The following POLK variants were observed in gnomAD, a reference collection of about 807,000 sequenced individuals.
POLK encodes the protein polymerase (DNA directed) kappa.
In POLK, 76 loss-of-function variants were observed where a neutral mutation model predicts 94.0. That is an observed-to-expected ratio of 0.81 (90% CI 0.67 to 0.98). POLK has a LOEUF of 0.98. Among genes scored for constraint, POLK ranks in the 50% least tolerant of loss-of-function variants. POLK has a pLI of 0.00. For synonymous variants in POLK, 349 were observed against 325.4 expected, an observed-to-expected ratio of 1.07 and a Z score of -0.78; for missense variants, 954 against 1,010.1, an observed-to-expected ratio of 0.94 and a Z score of 0.75.
In POLK at chr5:75,587,021, T is replaced by C. The variant is rs748366254; in HGVS notation, c.1227-5T>C. On this transcript the variant is annotated splice_polypyrimidine_tract_variant and splice_region_variant and intron_variant, in intron 9 of 14. Coordinates refer to ENST00000241436, the Ensembl canonical transcript of POLK. ...AAAATAAAGACCTTTTTTTTTCATT[T>C]CAAGGGATGGAGAGAGGAAAAGTAT... The C allele has an allele frequency of 1.9e-6, 3 of 1,547,638 alleles. No homozygotes were observed. Among genetic ancestry groups the C allele is most frequent in the East Asian group, 2.3e-5 (1 of 43,056 alleles).
At position 75,559,505 on chromosome 5, in the gene POLK, G is replaced by GTTTTTT. The variant is rs1561371144; in HGVS notation, c.255+6916_255+6921dup. On this transcript the variant is annotated intron_variant, in intron 3 of 14. Transcript: ENST00000241436. ...TTGGCAATTTATTGATTTGGGGTTTGTTTTTTTGTTTTGTTTTGTTTTTTT... is the reference window on the plus strand; with the variant it reads ...TTGGCAATTTATTGATTTGGGGTTTGTTTTTTTTTTTTTGTTTTGTTTTGTTTTTTT... 1.5e-3 allele frequency among the ~76,000 whole-genome samples: 106 copies of GTTTTTT among 70,090 alleles called. 4 individuals are homozygous for GTTTTTT. Among genetic ancestry groups the GTTTTTT allele is most frequent in the South Asian group, 4.1e-3 (7 of 1,720 alleles). 46.0% of individuals were successfully genotyped at this position (70,090 alleles called of 152,430 possible).
chr5:75,537,802 G>GA (rs1769523889), intron 1 of POLK, among the ~76,000 whole-genome samples: 1 of 151,758 alleles, frequency 6.6e-6, no homozygotes, highest in African/African-American at 2.4e-5. Flanking sequence ...AGTAGTGTTA[G>GA]AAAATGTATA....
chr5:75,565,259 T>C (rs896026895), intron 3 of POLK, among the ~76,000 whole-genome samples: 3 of 152,164 alleles, frequency 2.0e-5, no homozygotes, highest in African/African-American at 7.2e-5. Context: ...TCTAAACTGG[T>C]TATTCTAGTT....
chr5:75,542,804 C>T (rs1349663524), intron 1 of POLK, among the ~76,000 whole-genome samples: 4 of 150,170 alleles, frequency 2.7e-5, no homozygotes, highest in Admixed American at 2.7e-4. Flanking sequence ...CCGCCACCTC[C>T]CAGTTTCAAG....
chr5:75,563,648 C>G (rs1248917108), intron 3 of POLK, among the ~76,000 whole-genome samples: 5 of 152,142 alleles, frequency 3.3e-5, no homozygotes, highest in African/African-American at 1.2e-4. Flanking sequence ...GCCTTAATTT[C>G]ATATTTATCC....
intron 2 of POLK, among the ~76,000 whole-genome samples, chr5:75,549,757 A>G (rs995558002): frequency 3.9e-5 from 6 of 152,108 alleles, no homozygotes; most frequent in African/African-American, 7.2e-5. Context: ...AGAGAATAGT[A>G]AAGTAAATCC....
intron 1 of POLK, among the ~76,000 whole-genome samples, chr5:75,516,724 C>G (rs1162275554): frequency 6.6e-6 from 1 of 152,078 alleles, no homozygotes; most frequent in African/African-American, 2.4e-5. Flanking sequence ...GGAGTATTTC[C>G]CAAATACATT....
intron 1 of POLK, among the ~76,000 whole-genome samples, chr5:75,531,077 G>A (rs958178470): frequency 9.2e-5 from 14 of 151,656 alleles, no homozygotes; most frequent in Admixed American, 3.9e-4. Flanking sequence ...AAAGTGCTGG[G>A]ATTACAGGCG....
upstream of POLK, chr5:75,511,282 G>C: frequency 6.3e-7 from 1 of 1,578,656 alleles, no homozygotes; most frequent in Non-Finnish European, 8.6e-7. Context: ...AGTCCTCGGG[G>C]TGAAGGGTCG....
In POLK at chr5:75,594,056, CT is replaced by C; in HGVS notation, c.1528+12del. 6.5e-7 allele frequency: 1 copy of C among 1,548,006 alleles called. No individual in the cohort carries two copies. The highest frequency in any genetic ancestry group is 8.7e-7 in the Non-Finnish European group (1 of 1,146,792). ...TTGAGATTAAGGCTTATGGGTATGA[CT>C]TTTTCATTTTTTTGTTTTTCCTTAA... On this transcript the variant is annotated splice_region_variant and intron_variant, in intron 12 of 14. Coordinates refer to ENST00000241436, the Ensembl canonical transcript of POLK.
At chr5:75,597,329 G>A in intron 13 of POLK, 151 bp downstream of exon 13, 1 of 591,506 alleles carries the variant, frequency 1.7e-6, no homozygotes, top group South Asian at 2.2e-5. Flanking sequence ...ATTGCCATAG[G>A]TTAGAATTAA....
upstream of POLK, chr5:75,511,738 G>A: frequency 6.5e-7 from 1 of 1,550,248 alleles, no homozygotes; most frequent in Non-Finnish European, 8.7e-7. Context: ...GAGCCTTCGG[G>A]ATCCTCCTCC....
chr5:75,546,936 G>A, intron 1 of POLK, 74 bp from the exon 2 acceptor site: 2 of 684,696 alleles, frequency 2.9e-6, no homozygotes, highest in Non-Finnish European at 4.6e-6. Context: ...CAAAGTGCTA[G>A]GATTACGGGC....
At chr5:75,533,817 A>T (rs908272971) in intron 1 of POLK, among the ~76,000 whole-genome samples, 27 of 152,076 alleles carry the variant, frequency 1.8e-4, no homozygotes, top group African/African-American at 6.5e-4. Flanking sequence ...CCCTTTCAAT[A>T]CCTAGTTAGA....
In POLK at chr5:75,568,991, T is replaced by G. The variant is rs555060727; in HGVS notation, c.256-349T>G. On this transcript the variant is annotated intron_variant, in intron 3 of 14. Coordinates refer to ENST00000241436, the Ensembl canonical transcript of POLK. ...CATTAAATATTAAGTTCCTGTTATG[T>G]GCCTAAGGGTATGGAGAGATGAAAG... Among the ~76,000 whole-genome samples, 5 of 152,308 alleles carry G rather than the reference T, an allele frequency of 3.3e-5. No homozygotes were observed. The South Asian group carries it at 1.0e-3, about 32-fold the overall frequency.
chr5:75,511,054 G>A (rs556818033), upstream of POLK: 2 of 1,469,520 alleles, frequency 1.4e-6, no homozygotes, highest in South Asian at 2.8e-5. Flanking sequence ...CGCCTCAGCG[G>A]ATTGCCTCGC....
intron 3 of POLK, among the ~76,000 whole-genome samples, chr5:75,560,659 C>G (rs1242100021): frequency 2.6e-5 from 4 of 152,234 alleles, no homozygotes; most frequent in Admixed American, 2.0e-4. Flanking sequence ...CTAATGCTAT[C>G]CCTTCCCTTG....
At chr5:75,581,352 C>T (rs970644341) in exon 7 of POLK, 1 of 1,613,638 alleles carries the variant, frequency 6.2e-7, no homozygotes, top group South Asian at 1.1e-5. Flanking sequence ...TCCTCAAATA[C>T]TCCAAAACTC....
chr5:75,575,019 GTTAT>G (rs1300026475), intron 5 of POLK, among the ~76,000 whole-genome samples: 2 of 152,162 alleles, frequency 1.3e-5, no homozygotes, highest in African/African-American at 4.8e-5. Context: ...TTTTAGTCTG[GTTAT>G]TTATGTAAGT....
Sources: allele counts gnomAD v4.1 joint callset (sites outside exome capture counted in the v4.1 genomes callset), GRCh38; gene constraint gnomAD v4.1.1; transcripts MANE v1.5; gene names NCBI Gene and HGNC (gene_info 2026-07-23, HGNC 2026-07-21).